CCDC134: variants seen among roughly 807,000 people sequenced by gnomAD.
The protein encoded by CCDC134 is coiled-coil domain-containing protein 134.
Under a neutral mutation model 25.6 loss-of-function variants are expected in CCDC134, and 27 were observed. The observed-to-expected ratio is 1.05, with a 90% CI of 0.78 to 1.45. CCDC134 has a LOEUF of 1.45. Among genes scored for constraint, CCDC134 ranks in the 40% most tolerant of loss-of-function variants. The pLI is 0.00. For missense variants in CCDC134, 261 were observed against 286.7 expected, an observed-to-expected ratio of 0.91 and a Z score of 0.65; for synonymous variants, 110 against 115.0, an observed-to-expected ratio of 0.96 and a Z score of 0.28.
At position 41,825,148 on chromosome 22, in the gene CCDC134, C is replaced by G. The variant is rs1400369939; in HGVS notation, c.565-550C>G. Among the ~76,000 whole-genome samples, 1 of 152,044 alleles carries G rather than the reference C, an allele frequency of 6.6e-6. No homozygotes were observed. ...ATGGAGATGCAAGTTTGAGGGGTAACTAACCACACAGGCCAACAGAAGCTA... is the reference window on the plus strand; with the variant it reads ...ATGGAGATGCAAGTTTGAGGGGTAAGTAACCACACAGGCCAACAGAAGCTA... On this transcript the variant is annotated intron_variant, in intron 6 of 6. Coordinates refer to ENST00000255784, the MANE Select transcript of CCDC134 (RefSeq NM_024821.5). The surrounding 1 kb of genome is among the most constrained non-coding windows in gnomAD (Gnocchi z 4.4).
At chr22:41,820,152 C>T (rs892040505) in intron 6 of CCDC134, among the ~76,000 whole-genome samples, 6 of 148,654 alleles carry the variant, frequency 4.0e-5, no homozygotes, top group East Asian at 2.0e-4. Context: ...CCCACCACCA[C>T]GCCCGGCTAA....
At chr22:41,811,387 T>C (rs1181538094) in intron 4 of CCDC134, among the ~76,000 whole-genome samples, 2 of 152,208 alleles carry the variant, frequency 1.3e-5, no homozygotes, top group Non-Finnish European at 2.9e-5. Context: ...AAGTATTCTT[T>C]ACTTGTTGTT....
intron 1 of CCDC134, among the ~76,000 whole-genome samples, chr22:41,803,206 G>A (rs1405572570): frequency 1.3e-5 from 2 of 152,228 alleles, no homozygotes; most frequent in Non-Finnish European, 2.9e-5. Flanking sequence ...CAGGTTATAG[G>A]GAGCTATGAT....
chr22:41,823,502 A>G (rs2076662037), intron 6 of CCDC134, among the ~76,000 whole-genome samples: 1 of 152,216 alleles, frequency 6.6e-6, no homozygotes, highest in Admixed American at 6.5e-5. Flanking sequence ...CTGGGATTAT[A>G]GGCATGAGCC....
At chr22:41,822,886 T>C (rs993075631) in intron 6 of CCDC134, among the ~76,000 whole-genome samples, 2 of 152,106 alleles carry the variant, frequency 1.3e-5, no homozygotes, top group African/African-American at 2.4e-5. Context: ...GCTACACTTC[T>C]GTGAATCCCC....
intron 6 of CCDC134, among the ~76,000 whole-genome samples, chr22:41,820,876 C>T (rs533121633): frequency 6.6e-6 from 1 of 152,210 alleles, no homozygotes; most frequent in East Asian, 1.9e-4. Context: ...AATGTGAGAG[C>T]CATGCCTATG....
chr22:41,820,146 C>T (rs910066198), intron 6 of CCDC134, among the ~76,000 whole-genome samples: 1 of 149,852 alleles, frequency 6.7e-6, no homozygotes, highest in Non-Finnish European at 1.5e-5. Flanking sequence ...CAGGCACCCA[C>T]CACCACGCCC....
At chr22:41,809,574 G>A (rs2076584182) in intron 2 of CCDC134, among the ~76,000 whole-genome samples, 1 of 152,184 alleles carries the variant, frequency 6.6e-6, no homozygotes, top group Admixed American at 6.5e-5. Flanking sequence ...GAGCAGAGAG[G>A]TGGAGGCTCT....
rs774579273 is a variant in CCDC134, at chr22:41,807,883, C to T, written c.-16-992C>T. Among the ~76,000 whole-genome samples the T allele has an allele frequency of 2.6e-5, 4 of 152,052 alleles. No individual in the cohort carries two copies. In the South Asian group the frequency reaches 6.2e-4, roughly 24 times the overall value. ...TAAGGAAAAAATAAATAAAAAGGGC[C>T]GGGCGCGGTGGCTCACATCTGAATC... is the stretch of plus-strand genomic sequence containing the variant. On this transcript the variant is annotated intron_variant, in intron 1 of 6. Coordinates refer to ENST00000255784, the MANE Select transcript of CCDC134 (RefSeq NM_024821.5).
rs2076607162 is a variant in CCDC134, at chr22:41,813,425, C to T, written c.472C>T (p.His158Tyr). ...GACAGGCGTCTTCAACCAGGGGCCC[C>T]ACTCGCCCATCCTCAGCCTGGTAAG... Reference protein sequence around the residue: ...NQTGVFNQGPHSPILSLMAQE... With the variant: ...NQTGVFNQGPYSPILSLMAQE... Residue 158 changes from histidine (H) to tyrosine (Y), a missense_variant, in exon 5 of 7, where the codon CAC becomes TAC. Coordinates refer to ENST00000255784, the MANE Select transcript of CCDC134 (RefSeq NM_024821.5). The T allele has an allele frequency of 6.2e-7, 1 of 1,614,094 alleles. No individual in the cohort carries two copies.
chr22:41,829,494 C>T lies in CCDC134; in HGVS notation c.*3671C>T, dbSNP rs1461633387. On this transcript the variant is annotated 3_prime_UTR_variant, in exon 7 of 7. Transcript: ENST00000255784. ...CCAAAACCAAACTGGTTATTTCCCT[C>T]TCTAACCCCATCTCTGTGTCAAACA... Among the ~76,000 whole-genome samples the T allele has an allele frequency of 2.0e-5, 3 of 152,212 alleles. No homozygotes were observed. Among genetic ancestry groups the T allele is most frequent in the Admixed American group, 2.0e-4 (3 of 15,282 alleles).
At position 41,826,500 on chromosome 22, in the gene CCDC134, T is replaced by C. The variant is rs2076679879; in HGVS notation, c.*677T>C. ...GTTGGGAAAGGACCTGGAAGTGCCC[T>C]GGGACCTGGGAAACATTTAGCTCAA... is the stretch of plus-strand genomic sequence containing the variant. On this transcript the variant is annotated 3_prime_UTR_variant, in exon 7 of 7. Coordinates refer to ENST00000255784, the MANE Select transcript of CCDC134 (RefSeq NM_024821.5). Among the ~76,000 whole-genome samples, 1 of 152,242 alleles carries C rather than the reference T, an allele frequency of 6.6e-6. No individual in the cohort carries two copies. Among genetic ancestry groups the C allele is most frequent in the Admixed American group, 6.5e-5 (1 of 15,290 alleles).
At chr22:41,822,618 G>A (rs1457521044) in intron 6 of CCDC134, among the ~76,000 whole-genome samples, 2 of 152,180 alleles carry the variant, frequency 1.3e-5, no homozygotes, top group Admixed American at 6.5e-5. Flanking sequence ...CTTCTGACCC[G>A]GCTAGGTTAG....
At chr22:41,803,380 G>A (rs1187947892) in intron 1 of CCDC134, among the ~76,000 whole-genome samples, 4 of 152,180 alleles carry the variant, frequency 2.6e-5, no homozygotes, top group Non-Finnish European at 4.4e-5. Context: ...CTGTTCCATA[G>A]GCATTTGCTG....
chr22:41,810,109 G>GC, intron 3 of CCDC134, 98 bp from the exon 4 acceptor site: 1 of 1,586,942 alleles, frequency 6.3e-7, no homozygotes, highest in Non-Finnish European at 8.6e-7. Flanking sequence ...GGGGAACTGC[G>GC]CACACGTAAG....
chr22:41,827,860 C>T lies in CCDC134; in HGVS notation c.*2037C>T, dbSNP rs1038338233. ...GACCAGCCCGCAAGCTCTTCCCTGC[C>T]GGAAGGACCAGGCCAGTCGCTGTCC... On this transcript the variant is annotated 3_prime_UTR_variant, in exon 7 of 7. Transcript: ENST00000255784. Among the ~76,000 whole-genome samples the T allele has an allele frequency of 6.6e-6, 1 of 152,302 alleles. No individual in the cohort carries two copies. Among genetic ancestry groups the T allele is most frequent in the African/African-American group, 2.4e-5 (1 of 41,556 alleles).
intron 1 of CCDC134, among the ~76,000 whole-genome samples, chr22:41,801,496 G>T (rs1159918412): frequency 6.6e-6 from 1 of 152,116 alleles, no homozygotes; most frequent in East Asian, 1.9e-4. Flanking sequence ...TTCAGCCTGG[G>T]AATAGCTGTG....
At chr22:41,804,124 C>T (rs932475923) in intron 1 of CCDC134, among the ~76,000 whole-genome samples, 4 of 152,018 alleles carry the variant, frequency 2.6e-5, no homozygotes, top group African/African-American at 9.7e-5. Flanking sequence ...CAGAGCCAGA[C>T]TCCTACTCAA....
chr22:41,813,352 C>T lies in CCDC134; in HGVS notation c.399C>T (p.Asn133=), dbSNP rs200210669. Residue 133 remains asparagine (N), a synonymous_variant, in exon 5 of 7, where the codon AAC becomes AAT. Transcript: ENST00000255784. ...PRIVHYYFDH[N]SNWNLLIRWG... ...TTGTGCACTATTACTTTGACCACAA[C>T]TCCAACTGGAACCTCCTCATCCGCT... is the stretch of plus-strand genomic sequence containing the variant. 2 of 1,614,218 alleles carry T rather than the reference C, an allele frequency of 1.2e-6. No individual in the cohort carries two copies. Among genetic ancestry groups the T allele is most frequent in the East Asian group, 2.2e-5 (1 of 44,892 alleles).
Sources: gnomAD v4.1 joint callset for allele counts (sites outside exome capture counted in the v4.1 genomes callset) on GRCh38, gnomAD v4.1.1 for gene constraint, Gnocchi (gnomAD v3.1) non-coding constraint, MANE v1.5 for transcripts, NCBI Gene and HGNC (gene_info 2026-07-23, HGNC 2026-07-21) for gene names.